Variants in TGOLN2 observed in about 807,000 individuals in gnomAD.
TGOLN2 encodes the protein trans-golgi network protein 2.
TGOLN2 carries 19 observed loss-of-function variants against 31.3 expected under a neutral mutation model. The observed-to-expected ratio is 0.61, with a 90% CI of 0.42 to 0.89. TGOLN2 has a LOEUF of 0.89. TGOLN2 is among the 40% of genes least tolerant of loss of function. TGOLN2 has a pLI of 0.00. For missense variants in TGOLN2, 540 were observed against 559.2 expected (o/e 0.97, Z 0.35); for synonymous variants, 222 against 226.7 (o/e 0.98, Z 0.19).
In TGOLN2 at chr2:85,326,929, T is replaced by C. The variant is rs577921706; in HGVS notation, c.803A>G (p.Asn268Ser). Residue 268 changes from asparagine to serine, a missense_variant, in exon 2 of 4, where the codon AAC becomes AGC. Coordinates refer to ENST00000377386, the MANE Select transcript of TGOLN2 (RefSeq NM_006464.4). ...SRKDHSKPISNPSDNKELPKA... is the reference protein window; with the variant it reads ...SRKDHSKPISSPSDNKELPKA... The stretch of plus-strand genomic sequence containing the variant: ...GGGGAGCTCCTTGTTATCAGAAGGG[T>C]TGGAGATGGGCTTGGAATGGTCTTT... The C allele has an allele frequency of 1.1e-5, 18 of 1,613,884 alleles. No individual in the cohort carries two copies. Among genetic ancestry groups the C allele is most frequent in the South Asian group, 7.7e-5 (7 of 91,080 alleles).
Position 85,320,577 on chromosome 2 carries a change from A to T in TGOLN2, c.*2159T>A, listed in dbSNP as rs945784602. 4 of 152,214 alleles carry T rather than the reference A, an allele frequency of 2.6e-5. No homozygotes were observed. The highest frequency in any genetic ancestry group is 5.9e-5 in the Non-Finnish European group (4 of 68,050). 9.4% of individuals were successfully genotyped at this position (152,214 alleles called of 1,614,324 possible). ...GACAGGCTGATGGACAGAAGAGAGA[A>T]ATTCCTTTCAATGACAACCAAGCTG... On this transcript the variant is annotated 3_prime_UTR_variant, in exon 4 of 4. Coordinates refer to ENST00000377386, the MANE Select transcript of TGOLN2 (RefSeq NM_006464.4).
rs1682445381 is a variant in TGOLN2, at chr2:85,318,534, AC to A, written c.*4201del. 3 of 152,370 alleles carry A rather than the reference AC, an allele frequency of 2.0e-5. No homozygotes were observed. The South Asian group carries it at 6.2e-4, about 32-fold the overall frequency. 9.4% of individuals were successfully genotyped at this position (152,370 alleles called of 1,614,324 possible). A position where few individuals can be genotyped will look rare whatever the true frequency, so the allele number is the denominator to read the frequency against. ...AGTCACGCCAAATCCAACCTTCCTA[AC>A]AGGGGTTTTCAGAAAATGGCCTGCA... On this transcript the variant is annotated 3_prime_UTR_variant, in exon 4 of 4. Transcript: ENST00000377386.
At position 85,327,450 on chromosome 2, in the gene TGOLN2, G is replaced by A. The variant is rs767565026; in HGVS notation, c.282C>T (p.Ser94=). 3.7e-6 allele frequency: 6 copies of A among 1,612,998 alleles called. No individual in the cohort carries two copies. In the African/African-American group the frequency reaches 5.3e-5, roughly 14 times the overall value. Reference sequence around the variant, plus strand: ...TTGCCTCCGCACCCGACTTGTTGGAGCTGTCTTTTTGGGTCTTTGCCTCCG... The same window carrying A: ...TTGCCTCCGCACCCGACTTGTTGGAACTGTCTTTTTGGGTCTTTGCCTCCG... ...SGAEAKTQKD[S]SNKSGAEAKT... is the part of the protein sequence containing the mutation. Residue 94 remains serine, a synonymous_variant, in exon 2 of 4, where the codon AGC becomes AGT. Coordinates refer to ENST00000377386, the MANE Select transcript of TGOLN2 (RefSeq NM_006464.4).
rs1351766786 is a variant in TGOLN2 at position 85,318,824 on chromosome 2, C to A, written c.*3912G>T. On this transcript the variant is annotated 3_prime_UTR_variant, in exon 4 of 4. Coordinates refer to ENST00000377386, the MANE Select transcript of TGOLN2 (RefSeq NM_006464.4). Reference sequence around the variant, plus strand: ...TTCTACACAGACTGGCCTTCAACTTCCCCTGAGTCCAGAAGTAGACTCTTT... The same window carrying A: ...TTCTACACAGACTGGCCTTCAACTTACCCTGAGTCCAGAAGTAGACTCTTT... 1 of 142,560 alleles carries A rather than the reference C, an allele frequency of 7.0e-6. No individual in the cohort carries two copies. Among genetic ancestry groups the A allele is most frequent in the African/African-American group, 2.8e-5 (1 of 35,284 alleles). The allele number at this position is 142,560 out of a possible 1,614,324, so 8.8% of individuals were successfully genotyped here. A position where few individuals can be genotyped will look rare whatever the true frequency, so the allele number is the denominator to read the frequency against.
In TGOLN2 at chr2:85,320,468, G is replaced by A. The variant is rs1161941479; in HGVS notation, c.*2268C>T. ...TCTTTTATTAAAAAAAAATGGATGGGACTTTGGTGATGAGAGAGAAAAAGG... is the reference window on the plus strand; with the variant it reads ...TCTTTTATTAAAAAAAAATGGATGGAACTTTGGTGATGAGAGAGAAAAAGG... On this transcript the variant is annotated 3_prime_UTR_variant, in exon 4 of 4. Coordinates refer to ENST00000377386, the MANE Select transcript of TGOLN2 (RefSeq NM_006464.4). The A allele has an allele frequency of 1.3e-5, 2 of 152,144 alleles. No homozygotes were observed. Among genetic ancestry groups the A allele is most frequent in the Non-Finnish European group, 2.9e-5 (2 of 68,044 alleles). The allele number at this position is 152,144 out of a possible 1,614,324, so 9.4% of individuals were successfully genotyped here.
At chr2:85,327,884 G>A (rs771990692) in intron 1 of TGOLN2, 33 bp downstream of exon 1, 55 of 1,592,814 alleles carry the variant, frequency 3.5e-5, no homozygotes, top group Non-Finnish European at 4.5e-5. Context: ...GGGATCTGGG[G>A]GCAAGAGTGG....
intron 3 of TGOLN2, among the ~76,000 whole-genome samples, chr2:85,323,841 C>A (rs1682635358): frequency 6.6e-6 from 1 of 152,226 alleles, no homozygotes; most frequent in Admixed American, 6.5e-5. Flanking sequence ...AGGGTGCATG[C>A]TGGTAGCAAC....
chr2:85,322,714 T>C lies in TGOLN2; in HGVS notation c.*22A>G. ...AATCCATTGGTGACGTTCATCTTTT[T>C]CCAGAGGAATATACCATTCTGTTAG... On this transcript the variant is annotated 3_prime_UTR_variant, in exon 4 of 4. Transcript: ENST00000377386. 6.2e-7 allele frequency: 1 copy of C among 1,611,922 alleles called. No individual in the cohort carries two copies. The highest frequency in any genetic ancestry group is 8.5e-7 in the Non-Finnish European group (1 of 1,179,528).
At position 85,320,548 on chromosome 2, in the gene TGOLN2, G is replaced by A. The variant is rs1682510699; in HGVS notation, c.*2188C>T. On this transcript the variant is annotated 3_prime_UTR_variant, in exon 4 of 4. Coordinates refer to ENST00000377386, the MANE Select transcript of TGOLN2 (RefSeq NM_006464.4). ...ACCGAAGACTGTCCTAGACAGTTGG[G>A]AGGGACAGGCTGATGGACAGAAGAG... 6.6e-6 allele frequency: 1 copy of A among 152,258 alleles called. No homozygotes were observed. Among genetic ancestry groups the A allele is most frequent in the African/African-American group, 2.4e-5 (1 of 41,454 alleles). The allele number at this position is 152,258 out of a possible 1,614,324, so 9.4% of individuals were successfully genotyped here. A position where few individuals can be genotyped will look rare whatever the true frequency, so the allele number is the denominator to read the frequency against.
At position 85,322,615 on chromosome 2, in the gene TGOLN2, G is replaced by T. The variant is rs1445116278; in HGVS notation, c.*121C>A. The stretch of plus-strand genomic sequence containing the variant: ...CAGTACTTTTTTCTTCATTTCTTTT[G>T]ATTTAGAAACAAATCAGCAGGGAGG... On this transcript the variant is annotated 3_prime_UTR_variant, in exon 4 of 4. Transcript: ENST00000377386. 2.5e-5 allele frequency: 38 copies of T among 1,546,978 alleles called. No individual in the cohort carries two copies. Among genetic ancestry groups the T allele is most frequent in the Non-Finnish European group, 3.3e-5 (38 of 1,154,670 alleles).
In TGOLN2 at chr2:85,327,133, T is replaced by A; in HGVS notation, c.599A>T (p.Asp200Val). 6.2e-7 allele frequency: 1 copy of A among 1,611,776 alleles called. No homozygotes were observed. Among genetic ancestry groups the A allele is most frequent in the Non-Finnish European group, 8.5e-7 (1 of 1,179,302 alleles). Residue 200 changes from aspartate to valine, a missense_variant, in exon 2 of 4, where the codon GAT becomes GTT. Coordinates refer to ENST00000377386, the MANE Select transcript of TGOLN2 (RefSeq NM_006464.4). Reference sequence around the variant, plus strand: ...GTTAGGGACGTCTTTTGGGGTCTGATCCTCCGCACCCGACTTGCTGGAGCC... The same window carrying A: ...GTTAGGGACGTCTTTTGGGGTCTGAACCTCCGCACCCGACTTGCTGGAGCC... ...KDGSSKSGAEDQTPKDVPNKS... is the reference protein window; with the variant it reads ...KDGSSKSGAEVQTPKDVPNKS...
At position 85,326,509 on chromosome 2, in the gene TGOLN2, T is replaced by C; in HGVS notation, c.1223A>G (p.Lys408Arg). 6.2e-7 allele frequency: 1 copy of C among 1,609,160 alleles called. No individual in the cohort carries two copies. Among genetic ancestry groups the C allele is most frequent in the Non-Finnish European group, 8.5e-7 (1 of 1,175,962 alleles). ...VLYIAHHNKR[K>R]IIAFVLEGKR... ...TCCGGAAGGCCGCTGTCGACTTACC[T>C]TCCGCTTGTTGTGATGAGCGATATA... Residue 408 changes from lysine (K) to arginine (R), a missense_variant and splice_region_variant, in exon 2 of 4, where the codon AAG becomes AGG. Physicochemically the swap from Lys to Arg is conservative, Grantham distance 26. Coordinates refer to ENST00000377386, the MANE Select transcript of TGOLN2 (RefSeq NM_006464.4).
intron 2 of TGOLN2, among the ~76,000 whole-genome samples, chr2:85,326,240 G>A (rs768708197): frequency 2.0e-5 from 3 of 152,184 alleles, no homozygotes; most frequent in Non-Finnish European, 4.4e-5. Context: ...GTTATGGGAG[G>A]AGATTCCAAG....
Position 85,320,945 on chromosome 2 carries a change from TA to T in TGOLN2, c.*1790del, listed in dbSNP as rs3832101. ...ACAGACAGAGACCGAAGTGAGTTAGTAAAAGTCATGAAGAGAATGAATGGCA... is the reference window on the plus strand; with the variant it reads ...ACAGACAGAGACCGAAGTGAGTTAGTAAAGTCATGAAGAGAATGAATGGCA... On this transcript the variant is annotated 3_prime_UTR_variant, in exon 4 of 4. Transcript: ENST00000377386. 0.59 allele frequency: 89,015 copies of T among 152,004 alleles called. 26,756 individuals carry two copies. Among genetic ancestry groups the T allele is most frequent in the East Asian group, 0.96 (4,965 of 5,178 alleles). 9.4% of individuals were successfully genotyped at this position (152,004 alleles called of 1,614,324 possible).
At position 85,318,321 on chromosome 2, in the gene TGOLN2, T is replaced by C. The variant is rs1682438716; in HGVS notation, c.*4415A>G. On this transcript the variant is annotated 3_prime_UTR_variant, in exon 4 of 4. Transcript: ENST00000377386. ...TGAAGTCTGGTGCATTAAAGGAATA[T>C]CTATCAGAGGGTGAGGGGCTGGCTT... The C allele has an allele frequency of 2.6e-5, 4 of 152,208 alleles. No individual in the cohort carries two copies. 9.4% of individuals were successfully genotyped at this position (152,208 alleles called of 1,614,324 possible).
In TGOLN2 at chr2:85,322,495, G is replaced by A. The variant is rs1001440310; in HGVS notation, c.*241C>T. Reference sequence around the variant, plus strand: ...AATAAAGGGAACACAGAAGAACAATGTCACCAAAGTGCAGGTGCAAAGCCC... The same window carrying A: ...AATAAAGGGAACACAGAAGAACAATATCACCAAAGTGCAGGTGCAAAGCCC... On this transcript the variant is annotated 3_prime_UTR_variant, in exon 4 of 4. Coordinates refer to ENST00000377386, the MANE Select transcript of TGOLN2 (RefSeq NM_006464.4). 6.3e-5 allele frequency: 42 copies of A among 668,980 alleles called. No individual in the cohort carries two copies. Among genetic ancestry groups the A allele is most frequent in the African/African-American group, 3.7e-4 (20 of 54,036 alleles). The allele number at this position is 668,980 out of a possible 1,614,324, so 41.4% of individuals were successfully genotyped here.
Position 85,322,449 on chromosome 2 carries a change from C to T in TGOLN2, c.*287G>A, listed in dbSNP as rs1042462764. ...CCTCCACTCACCCTCAGAGGAGGAA[C>T]GGATGGAAGCCACCAGCATAAATAA... On this transcript the variant is annotated 3_prime_UTR_variant, in exon 4 of 4. Transcript: ENST00000377386. 5.7e-5 allele frequency: 30 copies of T among 528,440 alleles called. No individual in the cohort carries two copies. The highest frequency in any genetic ancestry group is 1.6e-4 in the South Asian group (7 of 43,328). The allele number at this position is 528,440 out of a possible 1,614,324, so 32.7% of individuals were successfully genotyped here. A position where few individuals can be genotyped will look rare whatever the true frequency, so the allele number is the denominator to read the frequency against.
Position 85,326,962 on chromosome 2 carries a change from G to A in TGOLN2, c.770C>T (p.Pro257Leu), listed in dbSNP as rs767844888. The A allele has an allele frequency of 2.3e-5, 37 of 1,613,858 alleles. No homozygotes were observed. The highest frequency in any genetic ancestry group is 1.6e-4 in the Middle Eastern group (1 of 6,084). ...DSPNKVVPEQ[P>L]SRKDHSKPIS... is the part of the protein sequence containing the mutation. ...GGGCTTGGAATGGTCTTTCCGGGAA[G>A]GCTGCTCTGGAACCACCTTGTTAGG... Residue 257 changes from proline to leucine, a missense_variant, in exon 2 of 4, where the codon CCT becomes CTT. Physicochemically the swap from Pro to Leu is moderately conservative, Grantham distance 98. Coordinates refer to ENST00000377386, the MANE Select transcript of TGOLN2 (RefSeq NM_006464.4).
At chr2:85,323,088 C>T (rs959827388) in intron 3 of TGOLN2, among the ~76,000 whole-genome samples, 1 of 152,158 alleles carries the variant, frequency 6.6e-6, no homozygotes, top group South Asian at 2.1e-4. Context: ...AGCGATTCTC[C>T]CACCTCGGCT....
Sources: allele counts gnomAD v4.1 joint callset (sites outside exome capture counted in the v4.1 genomes callset), GRCh38; gene constraint gnomAD v4.1.1; transcripts MANE v1.5; gene names NCBI Gene and HGNC (gene_info 2026-07-23, HGNC 2026-07-21).